The following OMD variants were observed in gnomAD, a reference collection of about 807,000 sequenced individuals.
OMD encodes osteomodulin, also known as KSPG osteomodulin.
In OMD, 19 loss-of-function variants were observed where a neutral mutation model predicts 31.2. The ratio of observed to expected loss-of-function variants is 0.61; its 90% CI spans 0.42 to 0.89. The LOEUF is 0.89. Among genes scored for constraint, OMD ranks in the 40% least tolerant of loss-of-function variants. OMD has a pLI of 0.00. For synonymous variants in OMD, 155 were observed against 166.4 expected, an observed-to-expected ratio of 0.93 and a Z score of 0.53; for missense variants, 448 against 490.8, an observed-to-expected ratio of 0.91 and a Z score of 0.82.
At chr9:92,421,587 G>C (rs1359454043) in intron 1 of OMD, among the ~76,000 whole-genome samples, 1 of 152,196 alleles carries the variant, frequency 6.6e-6, no homozygotes, top group Non-Finnish European at 1.5e-5. Context: ...TATTCACCTA[G>C]TGTACTCTAC....
intron 2 of OMD, among the ~76,000 whole-genome samples, chr9:92,416,102 T>C (rs866084948): frequency 1.4e-5 from 2 of 140,244 alleles, no homozygotes; most frequent in South Asian, 4.4e-4. Context: ...TTATTTATTT[T>C]ATTTTTTTTT....
chr9:92,416,591 C>G, intron 2 of OMD, 28 bp downstream of exon 2: 2 of 1,342,038 alleles, frequency 1.5e-6, no homozygotes, highest in Non-Finnish European at 2.0e-6. Context: ...TTCTTTCTCT[C>G]TTCAAAACAC....
chr9:92,417,598 A>G (rs1276617652), intron 1 of OMD, 24 bp from the exon 2 acceptor site: 1 of 1,281,908 alleles, frequency 7.8e-7, no homozygotes, highest in Non-Finnish European at 1.1e-6. Flanking sequence ...AAAAGGAAAC[A>G]TTGTGGAGAA....
chr9:92,421,409 A>G (rs1456300877), intron 1 of OMD, among the ~76,000 whole-genome samples: 2 of 152,212 alleles, frequency 1.3e-5, no homozygotes, highest in Non-Finnish European at 2.9e-5. Context: ...ATGAATTAAC[A>G]TATTTGGGCT....
chr9:92,414,896 C>A lies in OMD; in HGVS notation c.*256G>T. ...ATGATATTTCTATATTTAAAAAGAG[C>A]ATAAGAAACCATTAACGTTTAATTT... On this transcript the variant is annotated 3_prime_UTR_variant, in exon 3 of 3. Coordinates refer to ENST00000375550, the MANE Select transcript of OMD (RefSeq NM_005014.3). The A allele has an allele frequency of 3.3e-6, 1 of 300,244 alleles. No homozygotes were observed. Among genetic ancestry groups the A allele is most frequent in the Non-Finnish European group, 6.1e-6 (1 of 164,514 alleles). 18.6% of individuals were successfully genotyped at this position (300,244 alleles called of 1,614,324 possible). A position where few individuals can be genotyped will look rare whatever the true frequency, so the allele number is the denominator to read the frequency against.
Position 92,421,990 on chromosome 9 carries a change from TTGA to T in OMD, c.-17+2209_-17+2211del, listed in dbSNP as rs201262470. ...GAATATTCTATACATTTTATACTCA[TTGA>T]TGATATTTTATGTATAATTTTATAA... On this transcript the variant is annotated intron_variant, in intron 1 of 2. Transcript: ENST00000375550. Among the ~76,000 whole-genome samples, 1,065 of 152,260 alleles carry T rather than the reference TTGA, an allele frequency of 7.0e-3. 11 individuals are homozygous for T. The highest frequency in any genetic ancestry group is 0.022 in the African/African-American group (894 of 41,542).
chr9:92,414,897 A>G lies in OMD; in HGVS notation c.*255T>C, dbSNP rs781317946. 2.3e-5 allele frequency: 7 copies of G among 304,596 alleles called. No individual in the cohort carries two copies. The East Asian group carries it at 3.1e-4, about 13-fold the overall frequency. 18.9% of individuals were successfully genotyped at this position (304,596 alleles called of 1,614,324 possible). On this transcript the variant is annotated 3_prime_UTR_variant, in exon 3 of 3. Coordinates refer to ENST00000375550, the MANE Select transcript of OMD (RefSeq NM_005014.3). ...TGATATTTCTATATTTAAAAAGAGC[A>G]TAAGAAACCATTAACGTTTAATTTA... is the stretch of plus-strand genomic sequence containing the variant.
intron 2 of OMD, among the ~76,000 whole-genome samples, chr9:92,416,024 T>A (rs1843586734): frequency 7.2e-6 from 1 of 139,322 alleles, no homozygotes; most frequent in Admixed American, 7.7e-5. Context: ...GAATATATAT[T>A]TTTTATATAT....
Position 92,417,121 on chromosome 9 carries a change from A to T in OMD, c.438T>A (p.Leu146=), listed in dbSNP as rs773001072. 6.2e-7 allele frequency: 1 copy of T among 1,613,660 alleles called. No homozygotes were observed. Among genetic ancestry groups the T allele is most frequent in the Non-Finnish European group, 8.5e-7 (1 of 1,179,908 alleles). ...VFAKLPNLLQ[L]HLEHNNLEEF... The stretch of plus-strand genomic sequence containing the variant: ...CTTCTAAATTATTATGCTCTAGATG[A>T]AGTTGTAGTAGATTTGGAAGCTTAG... The change falls in exon 2 of 3, where the codon CTT becomes CTA. Residue 146 remains leucine, a synonymous_variant. Coordinates refer to ENST00000375550, the MANE Select transcript of OMD (RefSeq NM_005014.3).
chr9:92,420,609 A>AT (rs1211367086), intron 1 of OMD, among the ~76,000 whole-genome samples: 1 of 152,096 alleles, frequency 6.6e-6, no homozygotes, highest in East Asian at 1.9e-4. Context: ...CTAATACCTT[A>AT]TTCCCCATTA....
chr9:92,416,320 G>A (rs549523780), intron 2 of OMD, among the ~76,000 whole-genome samples: 116 of 151,610 alleles, frequency 7.7e-4, no homozygotes, highest in Non-Finnish European at 1.4e-3. Context: ...GGCTGATCTC[G>A]AACTCCTGGC....
At chr9:92,417,819 C>T (rs1843665114) in intron 1 of OMD, among the ~76,000 whole-genome samples, 1 of 152,056 alleles carries the variant, frequency 6.6e-6, no homozygotes, top group African/African-American at 2.4e-5. Context: ...CCCAGGCTCC[C>T]AGGTTCAAGC....
Position 92,414,307 on chromosome 9 carries a change from GTTAT to G in OMD, c.*841_*844del, listed in dbSNP as rs1256543667. On this transcript the variant is annotated 3_prime_UTR_variant, in exon 3 of 3. Transcript: ENST00000375550. Reference sequence around the variant, plus strand: ...CTAATTTAATCTTGCAAACAAAGCAGTTATTTCTTTGCAAATCATTTTGTAACAA... The same window carrying G: ...CTAATTTAATCTTGCAAACAAAGCAGTTCTTTGCAAATCATTTTGTAACAA... The G allele has an allele frequency of 1.6e-5, 3 of 191,846 alleles. No homozygotes were observed. Among genetic ancestry groups the G allele is most frequent in the African/African-American group, 7.0e-5 (3 of 43,064 alleles). 11.9% of individuals were successfully genotyped at this position (191,846 alleles called of 1,614,324 possible). A position where few individuals can be genotyped will look rare whatever the true frequency, so the allele number is the denominator to read the frequency against.
At position 92,424,285 on chromosome 9, in the gene OMD, A is replaced by G. The variant is rs1430458952; in HGVS notation, c.-100T>C. On this transcript the variant is annotated 5_prime_UTR_variant, in exon 1 of 3. Transcript: ENST00000375550. The stretch of plus-strand genomic sequence containing the variant: ...CAGAAATTCCTAAATTCTTTAACTG[A>G]GTCTCTTAAAAATCCACAGTAACTC... 6.6e-6 allele frequency: 1 copy of G among 152,226 alleles called. No homozygotes were observed. The highest frequency in any genetic ancestry group is 2.4e-5 in the African/African-American group (1 of 41,458). The allele number at this position is 152,226 out of a possible 1,614,324, so 9.4% of individuals were successfully genotyped here.
intron 1 of OMD, among the ~76,000 whole-genome samples, chr9:92,420,379 TCAATCTGC>T (rs1397926560): frequency 6.6e-6 from 1 of 152,168 alleles, no homozygotes; most frequent in Non-Finnish European, 1.5e-5. Flanking sequence ...TCTGGCTCCT[TCAATCTGC>T]CAAACTCCAA....
chr9:92,423,527 T>A (rs1174847717), intron 1 of OMD, among the ~76,000 whole-genome samples: 4 of 152,176 alleles, frequency 2.6e-5, no homozygotes, highest in Non-Finnish European at 5.9e-5. Context: ...GCATATAATT[T>A]AGATTTTTCC....
chr9:92,422,730 A>G (rs1409300387), intron 1 of OMD, among the ~76,000 whole-genome samples: 1 of 152,020 alleles, frequency 6.6e-6, no homozygotes, highest in Non-Finnish European at 1.5e-5. Context: ...TTTCATCTAT[A>G]TGCTCATTAT....
In OMD at chr9:92,416,896, A is replaced by G. The variant is rs1015217022; in HGVS notation, c.663T>C (p.Ser221=). ...CAGGAGGCATTGATTCTAATCTGTTACTGCAGAGGTTGAGCTGCATTAGTT... is the reference window on the plus strand; with the variant it reads ...CAGGAGGCATTGATTCTAATCTGTTGCTGCAGAGGTTGAGCTGCATTAGTT... ...MEKLMQLNLC[S]NRLESMPPGL... The change falls in exon 2 of 3, where the codon AGT becomes AGC. Residue 221 remains serine, a synonymous_variant. Transcript: ENST00000375550. The G allele has an allele frequency of 5.6e-6, 9 of 1,613,944 alleles. No homozygotes were observed. Among genetic ancestry groups the G allele is most frequent in the Middle Eastern group, 1.6e-4 (1 of 6,082 alleles).
Position 92,412,584 on chromosome 9 carries a change from A to G in OMD, c.*2568T>C, listed in dbSNP as rs533432011. 2.0e-5 allele frequency among the ~76,000 whole-genome samples: 3 copies of G among 152,298 alleles called. No homozygotes were observed. Among genetic ancestry groups the G allele is most frequent in the Non-Finnish European group, 4.4e-5 (3 of 68,020 alleles). On this transcript the variant is annotated 3_prime_UTR_variant, in exon 3 of 3. Coordinates refer to ENST00000375550, the MANE Select transcript of OMD (RefSeq NM_005014.3). ...CTCCATAGATTTCCCAGTTCTGGAC[A>G]TTTCATAAAGATGGAATCATACAAT... is the stretch of plus-strand genomic sequence containing the variant.
Sources: allele counts gnomAD v4.1 joint callset (sites outside exome capture counted in the v4.1 genomes callset), GRCh38; gene constraint gnomAD v4.1.1; transcripts MANE v1.5; gene names NCBI Gene and HGNC (gene_info 2026-07-23, HGNC 2026-07-21).